The following ABCC8 variants were observed in gnomAD, a reference collection of about 807,000 sequenced individuals.
ABCC8 encodes the protein ATP binding cassette subfamily C member 8, also known as ATP-binding cassette sub-family C member 8.
In ABCC8, 137 loss-of-function variants were observed where a neutral mutation model predicts 188.0. The ratio of observed to expected loss-of-function variants is 0.73; its 90% CI spans 0.63 to 0.84. ABCC8 has a LOEUF of 0.84. ABCC8 is among the 40% of genes least tolerant of loss of function. ABCC8 has a pLI of 0.00. For missense variants in ABCC8, 1,750 were observed against 2,072.7 expected, an observed-to-expected ratio of 0.84 and a Z score of 3.02; for synonymous variants, 797 against 846.5, an observed-to-expected ratio of 0.94 and a Z score of 1.01.
chr11:17,421,318 T>C (rs1955332359), intron 16 of ABCC8, among the ~76,000 whole-genome samples: 1 of 152,210 alleles, frequency 6.6e-6, no homozygotes, highest in Non-Finnish European at 1.5e-5. Context: ...TATTTGCTCA[T>C]TCCAAATATT....
Position 17,395,730 on chromosome 11 carries a change from C to A in ABCC8, c.4199-12G>T. ...AATGATGATGTGCCCTGCATGGGTCCCAGTGAGGGTGCAGGGGAAGGCGGT... is the reference window on the plus strand; with the variant it reads ...AATGATGATGTGCCCTGCATGGGTCACAGTGAGGGTGCAGGGGAAGGCGGT... On this transcript the variant is annotated splice_polypyrimidine_tract_variant and intron_variant, in intron 34 of 38. Coordinates refer to ENST00000389817, the MANE Select transcript of ABCC8 (RefSeq NM_000352.6). 6.4e-7 allele frequency: 1 copy of A among 1,552,956 alleles called. No individual in the cohort carries two copies. Among genetic ancestry groups the A allele is most frequent in the South Asian group, 1.2e-5 (1 of 84,128 alleles).
chr11:17,432,227 TG>T lies in ABCC8; in HGVS notation c.1647del (p.Ile550SerfsTer8), dbSNP rs2133554613. 2 of 1,552,728 alleles carry T rather than the reference TG, an allele frequency of 1.3e-6. No individual in the cohort carries two copies. Among genetic ancestry groups the T allele is most frequent in the Non-Finnish European group, 1.7e-6 (2 of 1,147,434 alleles). ...ACTATGAGGACAGCTGCAATGGGGA[TG>T]GCCGTGTTCATGAAAACTGCAGAGG... ...YTSISIFMNT[A>X]IPIAAVLITF... On this transcript the variant is annotated frameshift_variant, in exon 11 of 39. Coordinates refer to ENST00000389817, the MANE Select transcript of ABCC8 (RefSeq NM_000352.6). LOFTEE classifies it high-confidence loss of function.
In ABCC8 at chr11:17,460,643, C is replaced by A. The variant is rs748003987; in HGVS notation, c.856G>T (p.Ala286Ser). ...KDIQGTQGARAIWQALSHAFG... is the reference protein window; with the variant it reads ...KDIQGTQGARSIWQALSHAFG... ...GCATGGCTGAGTGCCTGCCAGATGG[C>A]CCGGGCACCTTGAGTGCCCTGAATG... The change falls in exon 6 of 39, where the codon GCC becomes TCC. Residue 286 changes from alanine to serine, a missense_variant. Physicochemically the swap from Ala to Ser is moderately conservative, Grantham distance 99. Transcript: ENST00000389817. The A allele has an allele frequency of 6.2e-7, 1 of 1,611,432 alleles. No individual in the cohort carries two copies. The highest frequency in any genetic ancestry group is 8.5e-7 in the Non-Finnish European group (1 of 1,180,014).
rs954110445 is a variant in ABCC8, at chr11:17,426,903, A to G, written c.2222+146T>C. 297 of 875,156 alleles carry G rather than the reference A, an allele frequency of 3.4e-4. 1 individual carries two copies. The highest frequency in any genetic ancestry group is 3.4e-4 in the Non-Finnish European group (199 of 588,528). The allele number at this position is 875,156 out of a possible 1,614,324, so 54.2% of individuals were successfully genotyped here. A position where few individuals can be genotyped will look rare whatever the true frequency, so the allele number is the denominator to read the frequency against. ...AAGAGGTGAATACGTACTAGTGATG[A>G]TGATGAGAATATCCATTAGCAGCAT... On this transcript the variant is annotated intron_variant, in intron 16 of 38. Transcript: ENST00000389817.
intron 16 of ABCC8, among the ~76,000 whole-genome samples, 159 bp downstream of exon 16, chr11:17,426,890 C>T (rs550698214): frequency 6.6e-6 from 1 of 152,278 alleles, no homozygotes; most frequent in South Asian, 2.1e-4. Flanking sequence ...GAGGTGAATA[C>T]GTACTAGTGA....
At chr11:17,446,979 G>C (rs929334883) in intron 8 of ABCC8, among the ~76,000 whole-genome samples, 1 of 152,180 alleles carries the variant, frequency 6.6e-6, no homozygotes, top group East Asian at 1.9e-4. Context: ...TGATATTTAC[G>C]AAGTGAAGAC....
At chr11:17,432,495 G>A in intron 10 of ABCC8, 1 of 716,040 alleles carries the variant, frequency 1.4e-6, no homozygotes, top group Non-Finnish European at 2.1e-6. Flanking sequence ...CGTGTGGACA[G>A]GGTGAAGTTA....
chr11:17,420,327 G>C (rs1018575372), intron 16 of ABCC8, among the ~76,000 whole-genome samples: 2 of 152,186 alleles, frequency 1.3e-5, no homozygotes, highest in African/African-American at 4.8e-5. Context: ...GTCTGTCTCA[G>C]AGAGGTGAAG....
intron 13 of ABCC8, 78 bp from the exon 14 acceptor site, chr11:17,428,483 G>A (rs1955696889): frequency 6.2e-7 from 1 of 1,603,184 alleles, no homozygotes; most frequent in African/African-American, 1.3e-5. Context: ...TGGGAAAAAA[G>A]GCAGAAGTCC....
intron 6 of ABCC8, among the ~76,000 whole-genome samples, chr11:17,455,154 G>A (rs1264399568): frequency 4.6e-5 from 7 of 152,146 alleles, no homozygotes; most frequent in Non-Finnish European, 1.0e-4. Context: ...GAAGGAGAAT[G>A]CAAAAACCCA....
chr11:17,420,231 C>T (rs2133500756), intron 16 of ABCC8, among the ~76,000 whole-genome samples: 1 of 152,330 alleles, frequency 6.6e-6, no homozygotes, highest in African/African-American at 2.4e-5. Flanking sequence ...TCACCCACAG[C>T]ATCCTTTCCA....
intron 23 of ABCC8, 160 bp downstream of exon 23, chr11:17,408,232 T>A (rs1195014191): frequency 1.5e-6 from 1 of 680,074 alleles, no homozygotes; most frequent in Non-Finnish European, 2.5e-6. Context: ...GCACAGGTAC[T>A]GTCTCTCCTC....
intron 22 of ABCC8, among the ~76,000 whole-genome samples, chr11:17,409,447 G>C (rs1954704822): frequency 6.6e-6 from 1 of 152,110 alleles, no homozygotes; most frequent in Admixed American, 6.5e-5. Context: ...TGAACTACAA[G>C]GTATTGCCAA....
At chr11:17,462,837 T>C (rs1433854073) in intron 4 of ABCC8, among the ~76,000 whole-genome samples, 1 of 152,122 alleles carries the variant, frequency 6.6e-6, no homozygotes, top group East Asian at 1.9e-4. Flanking sequence ...ATAAATACCG[T>C]GGGGGAAACC....
At position 17,431,071 on chromosome 11, in the gene ABCC8, C is replaced by T; in HGVS notation, c.1672-112G>A. The T allele has an allele frequency of 2.0e-6, 3 of 1,509,294 alleles. No individual in the cohort carries two copies. The South Asian group carries it at 3.6e-5, about 18-fold the overall frequency. 93.5% of individuals were successfully genotyped at this position (1,509,294 alleles called of 1,614,324 possible). A position where few individuals can be genotyped will look rare whatever the true frequency, so the allele number is the denominator to read the frequency against. On this transcript the variant is annotated intron_variant, in intron 11 of 38. Transcript: ENST00000389817. The stretch of plus-strand genomic sequence containing the variant: ...GAGAGGGCTGTCAGGGAGCAGGCTC[C>T]TAAGAGGATCTTTTAGTTGGAGACA...
At position 17,427,138 on chromosome 11, in the gene ABCC8, G is replaced by A. The variant is rs1212155948; in HGVS notation, c.2133C>T (p.Ile711=). Residue 711 remains isoleucine (I), a synonymous_variant, in exon 16 of 39, where the codon ATC becomes ATT. Coordinates refer to ENST00000389817, the MANE Select transcript of ABCC8 (RefSeq NM_000352.6). This position sits in a 1 kb window ranked among gnomAD's most constrained non-coding sequence, Gnocchi z 5.0. ...IRIPRGQLTM[I]VGQVGCGKSS... ...ACTTGCCGCAGCCCACCTGCCCCAC[G>A]ATCATAGTCAGCTGGCCTGCAGGGA... The A allele has an allele frequency of 8.1e-6, 13 of 1,613,238 alleles. No homozygotes were observed. Among genetic ancestry groups the A allele is most frequent in the African/African-American group, 1.3e-5 (1 of 74,972 alleles).
rs138135816 is a variant in ABCC8 at position 17,450,260 on chromosome 11, C to CTTTCTT, written c.1177-1590_1177-1589insAAGAAA. On this transcript the variant is annotated intron_variant, in intron 7 of 38. Coordinates refer to ENST00000389817, the MANE Select transcript of ABCC8 (RefSeq NM_000352.6). Reference sequence around the variant, plus strand: ...TTCTTTTCTTTTTCTTTCTTTCTTTCTCTTTCTTTCTTTCTTTCTTTCTTT... The same window carrying CTTTCTT: ...TTCTTTTCTTTTTCTTTCTTTCTTTCTTTCTTTCTTTCTTTCTTTCTTTCTTTCTTT... Among the ~76,000 whole-genome samples, 214 of 67,694 alleles carry CTTTCTT rather than the reference C, an allele frequency of 3.2e-3. 18 individuals are homozygous for CTTTCTT. The highest frequency in any genetic ancestry group is 4.0e-3 in the Non-Finnish European group (136 of 33,734). 44.4% of individuals were successfully genotyped at this position (67,694 alleles called of 152,430 possible).
At chr11:17,474,230 A>T (rs1024539431) in intron 2 of ABCC8, among the ~76,000 whole-genome samples, 3 of 152,238 alleles carry the variant, frequency 2.0e-5, no homozygotes, top group African/African-American at 7.2e-5. Context: ...AATAATGTTT[A>T]TGTTTATCAC....
chr11:17,473,867 C>T (rs1426475536), intron 2 of ABCC8, among the ~76,000 whole-genome samples: 1 of 152,156 alleles, frequency 6.6e-6, no homozygotes, highest in African/African-American at 2.4e-5. Context: ...TGACCAAATC[C>T]GACCCAAACA....
Sources: allele counts gnomAD v4.1 joint callset (sites outside exome capture counted in the v4.1 genomes callset), GRCh38; gene constraint gnomAD v4.1.1; non-coding constraint Gnocchi (gnomAD v3.1); transcripts MANE v1.5; gene names NCBI Gene and HGNC (gene_info 2026-07-23, HGNC 2026-07-21).